The following UNC5C variants were observed in gnomAD, a reference collection of about 807,000 sequenced individuals.
The protein encoded by UNC5C is unc-5 netrin receptor C, also known as netrin receptor UNC5C.
A neutral mutation model predicts 99.8 loss-of-function variants in UNC5C; 47 were observed. The ratio of observed to expected loss-of-function variants is 0.47; its 90% CI spans 0.37 to 0.60. The LOEUF is 0.60. Ranked by LOEUF, UNC5C falls within the 20% of genes least tolerant of loss-of-function variation. UNC5C has a pLI of 0.00. For missense variants in UNC5C, 1,062 were observed against 1,165.9 expected (o/e 0.91, Z 1.30); for synonymous variants, 487 against 452.2 (o/e 1.08, Z -0.98).
intron 1 of UNC5C, among the ~76,000 whole-genome samples, chr4:95,478,708 A>T (rs1340278230): frequency 6.6e-6 from 1 of 152,040 alleles, no homozygotes; most frequent in Non-Finnish European, 1.5e-5. Flanking sequence ...TCTAATGTCC[A>T]AAATCCAGGT....
chr4:95,425,479 G>A (rs1484926659), intron 1 of UNC5C, among the ~76,000 whole-genome samples: 1 of 152,078 alleles, frequency 6.6e-6, no homozygotes, highest in Non-Finnish European at 1.5e-5. Flanking sequence ...TCGCCACCAC[G>A]CCCAGCTAAT....
intron 14 of UNC5C, among the ~76,000 whole-genome samples, chr4:95,179,444 T>TTACC (rs1736512976): frequency 6.6e-6 from 1 of 152,206 alleles, no homozygotes; most frequent in South Asian, 2.1e-4. Flanking sequence ...TATAAATCTA[T>TTACC]TATTAAAGTA....
At chr4:95,236,525 A>G (rs185504613) in intron 7 of UNC5C, among the ~76,000 whole-genome samples, 3 of 152,034 alleles carry the variant, frequency 2.0e-5, no homozygotes, top group Non-Finnish European at 4.4e-5. Flanking sequence ...TGGCACATGT[A>G]TACATGTGTA....
chr4:95,195,338 G>C (rs1288634935), intron 12 of UNC5C, among the ~76,000 whole-genome samples: 1 of 152,164 alleles, frequency 6.6e-6, no homozygotes, highest in Non-Finnish European at 1.5e-5. Flanking sequence ...CATACACACA[G>C]CAGCAATGAT....
chr4:95,494,385 T>C (rs893264893), intron 1 of UNC5C, among the ~76,000 whole-genome samples: 3 of 151,496 alleles, frequency 2.0e-5, no homozygotes, highest in Non-Finnish European at 4.4e-5. Flanking sequence ...TTAAAAAAGT[T>C]AGTGCTGATG....
intron 1 of UNC5C, among the ~76,000 whole-genome samples, chr4:95,508,417 T>A (rs1327826430): frequency 6.6e-6 from 1 of 152,022 alleles, no homozygotes; most frequent in Non-Finnish European, 1.5e-5. Context: ...CATTATATGA[T>A]AAAGCCTAAA....
intron 1 of UNC5C, among the ~76,000 whole-genome samples, chr4:95,476,445 A>T (rs1748150560): frequency 6.6e-6 from 1 of 152,108 alleles, no homozygotes; most frequent in Non-Finnish European, 1.5e-5. Context: ...AGAAGGTGAC[A>T]GTAGATTATA....
intron 1 of UNC5C, among the ~76,000 whole-genome samples, chr4:95,471,147 T>G (rs1578181416): frequency 6.8e-6 from 1 of 146,800 alleles, no homozygotes; most frequent in Non-Finnish European, 1.5e-5. Flanking sequence ...GGGGTGGGGG[T>G]GGTAAGCCGT....
At chr4:95,285,580 T>C (rs1025601040) in intron 3 of UNC5C, among the ~76,000 whole-genome samples, 4 of 152,138 alleles carry the variant, frequency 2.6e-5, no homozygotes, top group African/African-American at 7.2e-5. Context: ...ACTTTGGCCA[T>C]AAGGTCCATA....
chr4:95,308,751 C>CAAAAAAAA (rs59626139), intron 2 of UNC5C, among the ~76,000 whole-genome samples: 20 of 34,392 alleles, frequency 5.8e-4, no homozygotes, highest in East Asian at 2.0e-3. Context: ...GACTCTGTCT[C>CAAAAAAAA]AAAAAAAAAA....
intron 13 of UNC5C, among the ~76,000 whole-genome samples, chr4:95,183,899 G>A (rs1736718962): frequency 6.6e-6 from 1 of 152,210 alleles, no homozygotes; most frequent in African/African-American, 2.4e-5. Context: ...TAGGTCTGCT[G>A]GGGTTAAATG....
chr4:95,274,805 C>T (rs559980145), intron 4 of UNC5C, among the ~76,000 whole-genome samples: 1 of 152,122 alleles, frequency 6.6e-6, no homozygotes, highest in East Asian at 1.9e-4. Flanking sequence ...GCAAGCAGAT[C>T]ACTTAAGGCA....
chr4:95,450,908 C>T lies in UNC5C; in HGVS notation c.124+97826G>A, dbSNP rs535173396. Among the ~76,000 whole-genome samples the T allele has an allele frequency of 2.0e-5, 3 of 152,248 alleles. No homozygotes were observed. In the South Asian group the frequency reaches 6.2e-4, roughly 32 times the overall value. ...AGACCAGGACAATCACCTTTTCCCTCATAAGCATGCCCCAAAAGACTAATG... is the reference window on the plus strand; with the variant it reads ...AGACCAGGACAATCACCTTTTCCCTTATAAGCATGCCCCAAAAGACTAATG... On this transcript the variant is annotated intron_variant, in intron 1 of 15. Coordinates refer to ENST00000453304, the MANE Select transcript of UNC5C (RefSeq NM_003728.4).
intron 1 of UNC5C, among the ~76,000 whole-genome samples, chr4:95,406,597 A>C (rs753626783): frequency 1.3e-5 from 2 of 152,236 alleles, no homozygotes; most frequent in Non-Finnish European, 2.9e-5. Flanking sequence ...AATAGGTTGT[A>C]TAACAAAACT....
chr4:95,223,463 G>A (rs979259719), intron 7 of UNC5C, among the ~76,000 whole-genome samples: 2 of 152,290 alleles, frequency 1.3e-5, no homozygotes, highest in African/African-American at 2.4e-5. Context: ...TAGCACTTCC[G>A]TAGTTTGCCG....
intron 1 of UNC5C, among the ~76,000 whole-genome samples, chr4:95,420,792 A>G (rs1746297244): frequency 6.6e-6 from 1 of 152,220 alleles, no homozygotes. Flanking sequence ...AAAGGGAAAT[A>G]TAAATAATCC....
intron 12 of UNC5C, among the ~76,000 whole-genome samples, chr4:95,190,118 A>T (rs1737010406): frequency 6.6e-6 from 1 of 152,224 alleles, no homozygotes; most frequent in South Asian, 2.1e-4. Context: ...TAGACTGAAT[A>T]AAGAAAATGT....
chr4:95,407,726 A>C (rs1745869218), intron 1 of UNC5C, among the ~76,000 whole-genome samples: 1 of 152,226 alleles, frequency 6.6e-6, no homozygotes, highest in South Asian at 2.1e-4. Flanking sequence ...TTCACCTTCA[A>C]ATAACATTTG....
At chr4:95,358,715 A>G (rs1272946138) in intron 1 of UNC5C, among the ~76,000 whole-genome samples, 1 of 152,180 alleles carries the variant, frequency 6.6e-6, no homozygotes, top group Non-Finnish European at 1.5e-5. Context: ...TCTTTGGTGA[A>G]AATAGTTTCC....
Sources: gnomAD v4.1 joint callset for allele counts (sites outside exome capture counted in the v4.1 genomes callset) on GRCh38, gnomAD v4.1.1 for gene constraint, MANE v1.5 for transcripts, NCBI Gene and HGNC (gene_info 2026-07-23, HGNC 2026-07-21) for gene names.